Variants in ZNF618 observed in about 807,000 individuals in gnomAD.
ZNF618 encodes the protein neural precursor cell expressed, developmentally down-regulated 10.
Under a neutral mutation model 103.0 loss-of-function variants are expected in ZNF618, and 34 were observed. The observed-to-expected ratio is 0.33, with a 90% CI of 0.25 to 0.44. The LOEUF (loss-of-function observed/expected upper bound fraction) is 0.44, where lower values mean the gene tolerates loss of function less well. Ranked by LOEUF, ZNF618 falls within the 20% of genes least tolerant of loss-of-function variation. The probability of loss-of-function intolerance (pLI) is 1.00; values close to 1 mark genes in which losing one functional copy is unlikely to be tolerated. For synonymous variants in ZNF618, 551 were observed against 542.2 expected (o/e 1.02, Z -0.23); for missense variants, 1,059 against 1,295.4 (o/e 0.82, Z 2.80).
intron 1 of ZNF618, among the ~76,000 whole-genome samples, chr9:113,931,659 C>T (rs990703192): frequency 2.0e-5 from 3 of 152,108 alleles, no homozygotes; most frequent in African/African-American, 7.2e-5. Context: ...CTTGGCTAGT[C>T]CAAATCGAGA....
chr9:113,887,842 A>AT (rs1829222749), intron 1 of ZNF618, among the ~76,000 whole-genome samples: 1 of 152,208 alleles, frequency 6.6e-6, no homozygotes, highest in Admixed American at 6.5e-5. Flanking sequence ...ATAAAATTTT[A>AT]TTTTTTTAAT....
intron 13 of ZNF618, among the ~76,000 whole-genome samples, chr9:114,042,683 A>G (rs1287944267): frequency 6.6e-6 from 1 of 152,190 alleles, no homozygotes; most frequent in Non-Finnish European, 1.5e-5. Flanking sequence ...ATTAAAAATA[A>G]GCCATGCATG....
At chr9:113,989,596 A>G (rs1354987105) in intron 3 of ZNF618, among the ~76,000 whole-genome samples, 1 of 152,152 alleles carries the variant, frequency 6.6e-6, no homozygotes, top group Non-Finnish European at 1.5e-5. Flanking sequence ...GTGTGTTCTT[A>G]GAAGTGCTGC....
intron 1 of ZNF618, among the ~76,000 whole-genome samples, chr9:113,915,766 TAG>T (rs1312858080): frequency 1.3e-5 from 2 of 151,972 alleles, no homozygotes; most frequent in East Asian, 3.9e-4. Flanking sequence ...GATGGACAGA[TAG>T]ACAGACAGAC....
chr9:113,992,885 C>A (rs1840208803), intron 3 of ZNF618, among the ~76,000 whole-genome samples: 1 of 152,184 alleles, frequency 6.6e-6, no homozygotes, highest in African/African-American at 2.4e-5. Flanking sequence ...ATGGTTGCTG[C>A]TGCTTCCCTG....
intron 1 of ZNF618, among the ~76,000 whole-genome samples, chr9:113,964,272 C>G (rs1022243512): frequency 2.3e-4 from 35 of 152,138 alleles, no homozygotes; most frequent in African/African-American, 8.0e-4. Flanking sequence ...TTTCATTCTT[C>G]GAGATCAGGC....
At chr9:114,019,963 C>G (rs925558329) in intron 10 of ZNF618, among the ~76,000 whole-genome samples, 2 of 152,178 alleles carry the variant, frequency 1.3e-5, no homozygotes, top group Non-Finnish European at 2.9e-5. Flanking sequence ...CTTTTAGAAG[C>G]CTTGTAATTT....
chr9:114,038,436 C>T (rs982622017), intron 13 of ZNF618, among the ~76,000 whole-genome samples: 4 of 152,188 alleles, frequency 2.6e-5, no homozygotes, highest in Non-Finnish European at 4.4e-5. Context: ...GGCCATCCAG[C>T]GCAAAGCCAG....
chr9:113,997,144 G>T (rs1171312649), intron 3 of ZNF618, among the ~76,000 whole-genome samples: 1 of 149,558 alleles, frequency 6.7e-6, no homozygotes, highest in Non-Finnish European at 1.5e-5. Context: ...GTCTTACTCT[G>T]TTGCCCAGGC....
At chr9:113,890,172 C>T (rs1019135738) in intron 1 of ZNF618, among the ~76,000 whole-genome samples, 2 of 151,930 alleles carry the variant, frequency 1.3e-5, no homozygotes, top group Non-Finnish European at 1.5e-5. Context: ...TTTTCCCAAG[C>T]GAAAATAGTT....
chr9:113,923,235 G>T (rs954895781), intron 1 of ZNF618, among the ~76,000 whole-genome samples: 1 of 152,080 alleles, frequency 6.6e-6, no homozygotes, highest in Non-Finnish European at 1.5e-5. Context: ...TGTGAATAAA[G>T]AAATTTTTTT....
chr9:113,951,569 G>GTATATACA (rs1379876936), intron 1 of ZNF618, among the ~76,000 whole-genome samples: 264 of 24,144 alleles, frequency 0.011, 9 homozygotes, highest in African/African-American at 0.022. Flanking sequence ...GTATATGTGT[G>GTATATACA]TGTGTATATG....
At chr9:113,974,598 T>G (rs1482021599) in intron 2 of ZNF618, among the ~76,000 whole-genome samples, 1 of 152,182 alleles carries the variant, frequency 6.6e-6, no homozygotes, top group East Asian at 1.9e-4. Context: ...AGGGCTATTT[T>G]TTTTTTCAGG....
intron 1 of ZNF618, among the ~76,000 whole-genome samples, chr9:113,910,306 G>C (rs1291880649): frequency 6.6e-6 from 1 of 152,146 alleles, no homozygotes; most frequent in Non-Finnish European, 1.5e-5. Flanking sequence ...CTCCTGACCA[G>C]CCAGCTTCTA....
At chr9:114,002,099 G>A in intron 5 of ZNF618, 26 bp downstream of exon 5, 3 of 1,601,178 alleles carry the variant, frequency 1.9e-6, no homozygotes, top group East Asian at 4.5e-5. Flanking sequence ...CTGGGGCAGA[G>A]CCCAGGGGCC....
intron 9 of ZNF618, chr9:114,016,241 T>G: frequency 7.1e-6 from 10 of 1,412,966 alleles, no homozygotes; most frequent in South Asian, 1.2e-5. Flanking sequence ...GGGGGGTGCT[T>G]GGGGGCAGGG....
intron 1 of ZNF618, among the ~76,000 whole-genome samples, chr9:113,918,422 C>T (rs1163331257): frequency 6.6e-6 from 1 of 152,172 alleles, no homozygotes; most frequent in Non-Finnish European, 1.5e-5. Flanking sequence ...GCTTTTCTAT[C>T]CACTAATTTT....
At chr9:113,927,985 G>A (rs1300794045) in intron 1 of ZNF618, among the ~76,000 whole-genome samples, 1 of 152,196 alleles carries the variant, frequency 6.6e-6, no homozygotes, top group Non-Finnish European at 1.5e-5. Context: ...TTCTCTGATG[G>A]ATCTAAAAAG....
At chr9:113,912,667 C>T (rs1482523894) in intron 1 of ZNF618, among the ~76,000 whole-genome samples, 1 of 152,046 alleles carries the variant, frequency 6.6e-6, no homozygotes, top group Non-Finnish European at 1.5e-5. Flanking sequence ...GTTGGGGATG[C>T]CACATCACCT....
Sources: allele counts gnomAD v4.1 joint callset (sites outside exome capture counted in the v4.1 genomes callset), GRCh38; gene constraint gnomAD v4.1.1; transcripts MANE v1.5; gene names NCBI Gene and HGNC (gene_info 2026-07-23, HGNC 2026-07-21).